ANAPC10: variants seen among roughly 807,000 people sequenced by gnomAD.
ANAPC10 encodes the protein anaphase promoting complex subunit 10, also known as anaphase-promoting complex subunit 10.
Under a neutral mutation model 22.0 loss-of-function variants are expected in ANAPC10, and 12 were observed. The observed-to-expected ratio is 0.55, with a 90% CI of 0.35 to 0.88. ANAPC10 has a LOEUF of 0.88. ANAPC10 is among the 40% of genes least tolerant of loss of function. The pLI, the probability that ANAPC10 is intolerant of heterozygous loss-of-function variation, is 0.01. For synonymous variants in ANAPC10, 65 were observed against 69.5 expected, an observed-to-expected ratio of 0.94 and a Z score of 0.32; for missense variants, 188 against 220.9, an observed-to-expected ratio of 0.85 and a Z score of 0.94.
In ANAPC10 at chr4:145,081,744, C is replaced by G. The variant is rs1179956758; in HGVS notation, c.122G>C (p.Gly41Ala). The change falls in exon 3 of 5, where the codon GGA becomes GCA. Residue 41 changes from glycine (G) to alanine (A), a missense_variant. Transcript: ENST00000507656. ...WSLSSCKPGFGVDQLRDDNLE... is the reference protein window; with the variant it reads ...WSLSSCKPGFAVDQLRDDNLE... The stretch of plus-strand genomic sequence containing the variant: ...ATTGTCATCTCGTAACTGATCCACT[C>G]CAAATCCTAAAAACACCAAAAGTGT... 5.6e-6 allele frequency: 9 copies of G among 1,611,364 alleles called. No homozygotes were observed. In the East Asian group the frequency reaches 2.0e-4, roughly 36 times the overall value.
Position 144,995,292 on chromosome 4 carries a change from G to A in ANAPC10, c.*81C>T, listed in dbSNP as rs1731447583. On this transcript the variant is annotated 3_prime_UTR_variant, in exon 5 of 5. Coordinates refer to ENST00000507656, the MANE Select transcript of ANAPC10 (RefSeq NM_001256706.2). Reference sequence around the variant, plus strand: ...CAAAATTAGATATAACGGATGCCTTGTTCAATAAAGGTACATGATATATTA... The same window carrying A: ...CAAAATTAGATATAACGGATGCCTTATTCAATAAAGGTACATGATATATTA... The A allele has an allele frequency of 7.3e-6, 6 of 827,406 alleles. No individual in the cohort carries two copies. The highest frequency in any genetic ancestry group is 2.6e-5 in the East Asian group (1 of 38,204). 51.3% of individuals were successfully genotyped at this position (827,406 alleles called of 1,614,324 possible).
At chr4:145,075,904 C>T (rs1745129360) in intron 3 of ANAPC10, among the ~76,000 whole-genome samples, 1 of 152,110 alleles carries the variant, frequency 6.6e-6, no homozygotes, top group Admixed American at 6.5e-5. Flanking sequence ...GTGGCTTTGG[C>T]CTTTGTTGAC....
chr4:145,000,997 G>C (rs1348778168), intron 4 of ANAPC10, among the ~76,000 whole-genome samples: 1 of 152,024 alleles, frequency 6.6e-6, no homozygotes, highest in Non-Finnish European at 1.5e-5. Flanking sequence ...TGAACAATGA[G>C]AACACTTGGA....
chr4:145,050,174 C>T (rs990520482), intron 4 of ANAPC10, among the ~76,000 whole-genome samples: 1 of 152,266 alleles, frequency 6.6e-6, no homozygotes, highest in Middle Eastern at 3.4e-3. Context: ...ATTCCTTGAT[C>T]CATGGGCTGC....
chr4:145,057,767 T>C (rs1323437782), intron 4 of ANAPC10, among the ~76,000 whole-genome samples: 3 of 152,154 alleles, frequency 2.0e-5, no homozygotes, highest in Admixed American at 6.5e-5. Flanking sequence ...ATGCCATTAC[T>C]AGTAAATGCC....
chr4:145,026,160 G>C (rs1470463177), intron 4 of ANAPC10, among the ~76,000 whole-genome samples: 1 of 152,116 alleles, frequency 6.6e-6, no homozygotes, highest in East Asian at 1.9e-4. Flanking sequence ...CCCCAGGCCA[G>C]AGAATGCATT....
In ANAPC10 at chr4:145,054,591, G is replaced by A. The variant is rs1382241157; in HGVS notation, c.327+9981C>T. Among the ~76,000 whole-genome samples, 4 of 146,672 alleles carry A rather than the reference G, an allele frequency of 2.7e-5. No individual in the cohort carries two copies. The Admixed American group carries it at 2.8e-4, about 10-fold the overall frequency. Reference sequence around the variant, plus strand: ...AAAAAAAACTTACCACAGGATGAGGGGACATACTGAATAGTGTGTGTGTGT... The same window carrying A: ...AAAAAAAACTTACCACAGGATGAGGAGACATACTGAATAGTGTGTGTGTGT... On this transcript the variant is annotated intron_variant, in intron 4 of 4. Transcript: ENST00000507656.
intron 4 of ANAPC10, among the ~76,000 whole-genome samples, chr4:145,019,968 C>A (rs996470418): frequency 6.6e-6 from 1 of 151,866 alleles, no homozygotes; most frequent in Middle Eastern, 3.2e-3. Flanking sequence ...AAAAAAAAGG[C>A]CAGGCCCAGA....
chr4:145,087,224 G>A (rs1579160746), intron 2 of ANAPC10, among the ~76,000 whole-genome samples: 1 of 152,158 alleles, frequency 6.6e-6, no homozygotes, highest in Admixed American at 6.5e-5. Context: ...CATTAGTGGA[G>A]CAAGAGCACT....
chr4:145,084,408 G>A (rs1038869255), intron 2 of ANAPC10, among the ~76,000 whole-genome samples: 4 of 152,150 alleles, frequency 2.6e-5, no homozygotes, highest in East Asian at 1.9e-4. Flanking sequence ...TGGGTCCTTT[G>A]AGAGCTAAGG....
intron 4 of ANAPC10, among the ~76,000 whole-genome samples, chr4:145,030,852 G>A (rs147110974): frequency 1.7e-4 from 26 of 152,314 alleles, no homozygotes; most frequent in African/African-American, 3.8e-4. Flanking sequence ...CTTGAAGGAC[G>A]TGGGGGTGGT....
intron 4 of ANAPC10, among the ~76,000 whole-genome samples, chr4:145,038,050 T>G (rs1738872211): frequency 6.6e-6 from 1 of 152,112 alleles, no homozygotes; most frequent in African/African-American, 2.4e-5. Flanking sequence ...AAGGCCATTT[T>G]ATGACTGGGC....
chr4:145,027,801 C>T (rs1255889841), intron 4 of ANAPC10, among the ~76,000 whole-genome samples: 3 of 152,128 alleles, frequency 2.0e-5, no homozygotes, highest in Admixed American at 2.0e-4. Flanking sequence ...ATAAAGTTTT[C>T]AGTCATGCAA....
chr4:145,008,092 T>C (rs1052875338), intron 4 of ANAPC10, among the ~76,000 whole-genome samples: 1 of 151,168 alleles, frequency 6.6e-6, no homozygotes, highest in African/African-American at 2.4e-5. Context: ...GAAGAAGAAA[T>C]GGATAAATTC....
chr4:145,041,697 G>A (rs893449009), intron 4 of ANAPC10, among the ~76,000 whole-genome samples: 2 of 152,194 alleles, frequency 1.3e-5, no homozygotes, highest in African/African-American at 4.8e-5. Flanking sequence ...GAAGCAAATT[G>A]AGGAGCAAGA....
In ANAPC10 at chr4:145,031,050, T is replaced by C. The variant is rs570487439; in HGVS notation, c.327+33522A>G. Among the ~76,000 whole-genome samples, 11 of 152,336 alleles carry C rather than the reference T, an allele frequency of 7.2e-5. No individual in the cohort carries two copies. In the South Asian group the frequency reaches 1.9e-3, roughly 26 times the overall value. On this transcript the variant is annotated intron_variant, in intron 4 of 4. Transcript: ENST00000507656. ...GGTATCTGGTATCCAACCATTGACT[T>C]GGCAAATGCCTTTTTCTCCATTCCT...
At chr4:145,058,249 A>G (rs1262995631) in intron 4 of ANAPC10, among the ~76,000 whole-genome samples, 1 of 152,142 alleles carries the variant, frequency 6.6e-6, no homozygotes, top group Non-Finnish European at 1.5e-5. Flanking sequence ...CACTTCTGTC[A>G]CTATACCATG....
intron 3 of ANAPC10, among the ~76,000 whole-genome samples, chr4:145,074,104 G>T (rs1473975067): frequency 6.6e-6 from 1 of 151,418 alleles, no homozygotes; most frequent in Non-Finnish European, 1.5e-5. Context: ...AAGAGAATTA[G>T]CCCTTTACAA....
chr4:145,016,378 A>G (rs916002919), intron 4 of ANAPC10, among the ~76,000 whole-genome samples: 12 of 152,226 alleles, frequency 7.9e-5, no homozygotes, highest in African/African-American at 2.9e-4. Context: ...CAATTGCCTC[A>G]AAGACAATAA....
Sources: gnomAD v4.1 joint callset for allele counts (sites outside exome capture counted in the v4.1 genomes callset) on GRCh38, gnomAD v4.1.1 for gene constraint, MANE v1.5 for transcripts, NCBI Gene and HGNC (gene_info 2026-07-23, HGNC 2026-07-21) for gene names.